SLCO3A1: variants seen among roughly 807,000 people sequenced by gnomAD.
SLCO3A1 encodes solute carrier organic anion transporter family member 3A1, also known as PGE1 transporter.
A neutral mutation model predicts 63.1 loss-of-function variants in SLCO3A1; 27 were observed. That is an observed-to-expected ratio of 0.43 (90% CI 0.32 to 0.59). SLCO3A1 has a LOEUF of 0.59. Among genes scored for constraint, SLCO3A1 ranks in the 20% least tolerant of loss-of-function variants. SLCO3A1 has a pLI of 0.09. For synonymous variants in SLCO3A1, 473 were observed against 409.9 expected (o/e 1.15, Z -1.86); for missense variants, 773 against 945.8 (o/e 0.82, Z 2.40).
intron 2 of SLCO3A1, among the ~76,000 whole-genome samples, chr15:92,093,464 G>T (rs2047501676): frequency 6.6e-6 from 1 of 152,160 alleles, no homozygotes; most frequent in South Asian, 2.1e-4. Context: ...CTCCCACTAG[G>T]CCCCACCTCC....
intron 7 of SLCO3A1, among the ~76,000 whole-genome samples, chr15:92,135,995 C>T (rs984672269): frequency 1.3e-5 from 2 of 152,056 alleles, no homozygotes; most frequent in Non-Finnish European, 2.9e-5. Flanking sequence ...TAGTGAGACC[C>T]CTATCTCTGA....
chr15:91,966,037 T>C (rs2151425035), intron 2 of SLCO3A1, among the ~76,000 whole-genome samples: 1 of 152,226 alleles, frequency 6.6e-6, no homozygotes, highest in South Asian at 2.1e-4. Context: ...GTTCATTCCG[T>C]GAGTCATCCA....
In SLCO3A1 at chr15:92,163,693, A is replaced by T; in HGVS notation, c.*558A>T. ...GGTGGAAGCACCACTCCTCTCTCTG[A>T]CTTTCGCAATATGGGTCACTGTGTA... On this transcript the variant is annotated 3_prime_UTR_variant, in exon 10 of 10. Transcript: ENST00000318445. 8 of 985,318 alleles carry T rather than the reference A, an allele frequency of 8.1e-6. No homozygotes were observed. Among genetic ancestry groups the T allele is most frequent in the African/African-American group, 1.7e-5 (1 of 57,304 alleles). The allele number at this position is 985,318 out of a possible 1,614,324, so 61.0% of individuals were successfully genotyped here. A position where few individuals can be genotyped will look rare whatever the true frequency, so the allele number is the denominator to read the frequency against.
intron 2 of SLCO3A1, among the ~76,000 whole-genome samples, chr15:92,093,783 C>A (rs1000542726): frequency 6.6e-6 from 1 of 152,068 alleles, no homozygotes; most frequent in Admixed American, 6.5e-5. Flanking sequence ...ATGACATCAC[C>A]GAGAGAATTT....
intron 2 of SLCO3A1, among the ~76,000 whole-genome samples, chr15:91,919,501 T>C (rs145774954): frequency 6.6e-6 from 1 of 152,332 alleles, no homozygotes; most frequent in African/African-American, 2.4e-5. Context: ...GGGTGGCACG[T>C]GGCACTCTTT....
intron 2 of SLCO3A1, among the ~76,000 whole-genome samples, chr15:91,962,702 G>A (rs1334353756): frequency 6.6e-6 from 1 of 151,998 alleles, no homozygotes; most frequent in Non-Finnish European, 1.5e-5. Flanking sequence ...GGTGATCTCA[G>A]GCTGTCCAGT....
At chr15:92,071,328 G>C (rs2047213463) in intron 2 of SLCO3A1, among the ~76,000 whole-genome samples, 1 of 152,242 alleles carries the variant, frequency 6.6e-6, no homozygotes, top group Non-Finnish European at 1.5e-5. Flanking sequence ...AGCATTCAGA[G>C]AGCACACCAG....
At chr15:92,091,264 A>AG (rs1475192529) in intron 2 of SLCO3A1, among the ~76,000 whole-genome samples, 1 of 152,110 alleles carries the variant, frequency 6.6e-6, no homozygotes, top group African/African-American at 2.4e-5. Flanking sequence ...CTCCCTGACT[A>AG]GGGAATCCCA....
At chr15:91,979,694 C>T (rs1316253992) in intron 2 of SLCO3A1, among the ~76,000 whole-genome samples, 7 of 152,170 alleles carry the variant, frequency 4.6e-5, no homozygotes, top group Admixed American at 2.0e-4. Flanking sequence ...CTCATTAAAC[C>T]TCCTCTAAAA....
At chr15:92,032,805 A>G (rs1473577516) in intron 2 of SLCO3A1, among the ~76,000 whole-genome samples, 1 of 152,112 alleles carries the variant, frequency 6.6e-6, no homozygotes, top group Non-Finnish European at 1.5e-5. Flanking sequence ...AGCAGTACTA[A>G]AAAGATTTGG....
At chr15:92,162,662 C>T in intron 9 of SLCO3A1, 94 bp from the exon 10 acceptor site, 1 of 1,512,884 alleles carries the variant, frequency 6.6e-7, no homozygotes, top group South Asian at 1.4e-5. Context: ...GACATATTTG[C>T]CTAGCAGTGC....
At chr15:92,021,326 C>T (rs1017714275) in intron 2 of SLCO3A1, among the ~76,000 whole-genome samples, 1 of 152,222 alleles carries the variant, frequency 6.6e-6, no homozygotes, top group African/African-American at 2.4e-5. Context: ...ACCTATCATA[C>T]CATTTATCAA....
intron 2 of SLCO3A1, among the ~76,000 whole-genome samples, chr15:91,999,893 C>G (rs571593602): frequency 6.6e-6 from 1 of 152,294 alleles, no homozygotes; most frequent in South Asian, 2.1e-4. Flanking sequence ...ACCATAGATA[C>G]AGGAGGAAAC....
chr15:92,035,009 A>G (rs1000434870), intron 2 of SLCO3A1, among the ~76,000 whole-genome samples: 6 of 151,892 alleles, frequency 4.0e-5, no homozygotes, highest in African/African-American at 7.2e-5. Context: ...GAAAGATTCA[A>G]TGGCTTGTCC....
intron 2 of SLCO3A1, among the ~76,000 whole-genome samples, chr15:92,045,915 A>G (rs977260665): frequency 2.0e-5 from 3 of 152,120 alleles, no homozygotes; most frequent in Non-Finnish European, 4.4e-5. Context: ...TTTGATCCCA[A>G]ATCTAACTGG....
intron 2 of SLCO3A1, among the ~76,000 whole-genome samples, chr15:91,971,090 G>C (rs963319681): frequency 6.6e-6 from 1 of 152,050 alleles, no homozygotes; most frequent in African/African-American, 2.4e-5. Context: ...CCTGTTCCCA[G>C]CTGAGGTCAA....
Position 91,906,710 on chromosome 15 carries a change from G to T in SLCO3A1, c.181-9283G>T, listed in dbSNP as rs570027654. Among the ~76,000 whole-genome samples, 22 of 152,324 alleles carry T rather than the reference G, an allele frequency of 1.4e-4. No individual in the cohort carries two copies. In the South Asian group the frequency reaches 4.6e-3, roughly 32 times the overall value. ...ATAAAAGAGCCCTGGCACCACAGAAGTTGGTGTGTTAAAGGTGTGAAACAC... is the reference window on the plus strand; with the variant it reads ...ATAAAAGAGCCCTGGCACCACAGAATTTGGTGTGTTAAAGGTGTGAAACAC... On this transcript the variant is annotated intron_variant, in intron 1 of 9. Transcript: ENST00000318445.
intron 3 of SLCO3A1, among the ~76,000 whole-genome samples, chr15:92,102,747 C>G (rs1323487090): frequency 6.6e-6 from 1 of 152,114 alleles, no homozygotes; most frequent in African/African-American, 2.4e-5. Context: ...GAGCTGGTGG[C>G]CTTAGGCTCA....
At chr15:92,113,176 G>A (rs528028964) in intron 4 of SLCO3A1, among the ~76,000 whole-genome samples, 1 of 152,330 alleles carries the variant, frequency 6.6e-6, no homozygotes, top group African/African-American at 2.4e-5. Flanking sequence ...CCCGAGCGGA[G>A]CCTGCGTTTT....
Sources: gnomAD v4.1 joint callset for allele counts (sites outside exome capture counted in the v4.1 genomes callset) on GRCh38, gnomAD v4.1.1 for gene constraint, MANE v1.5 for transcripts, NCBI Gene and HGNC (gene_info 2026-07-23, HGNC 2026-07-21) for gene names.